The following CEP170 variants were observed in gnomAD, a reference collection of about 807,000 sequenced individuals.
CEP170 encodes the protein centrosomal protein 170, also known as centrosomal protein of 170 kDa.
Under a neutral mutation model 151.9 loss-of-function variants are expected in CEP170, and 21 were observed. That is an observed-to-expected ratio of 0.14 (90% confidence interval 0.10 to 0.20). The LOEUF (loss-of-function observed/expected upper bound fraction) is 0.20. CEP170 is among the 10% of genes least tolerant of loss of function. The pLI is 1.00. For synonymous variants in CEP170, 356 were observed against 648.8 expected (o/e 0.55, Z 6.86); for missense variants, 964 against 1,892.9 (o/e 0.51, Z 9.11).
intron 14 of CEP170, among the ~76,000 whole-genome samples, chr1:243,142,947 T>C (rs2056034509): frequency 3.9e-5 from 6 of 152,206 alleles, no homozygotes; most frequent in Non-Finnish European, 8.8e-5. Flanking sequence ...AGAGATCACA[T>C]TACAGTTGCT....
intron 2 of CEP170, among the ~76,000 whole-genome samples, chr1:243,222,037 A>C (rs1301136589): frequency 6.6e-6 from 1 of 152,216 alleles, no homozygotes; most frequent in Non-Finnish European, 1.5e-5. Flanking sequence ...TTTTCTACTA[A>C]ATTCACATGT....
intron 14 of CEP170, 59 bp from the exon 15 acceptor site, chr1:243,142,522 A>G: frequency 1.3e-6 from 2 of 1,534,464 alleles, no homozygotes; most frequent in Non-Finnish European, 1.8e-6. Flanking sequence ...TCTAAAAACA[A>G]TCATTTATGA....
At chr1:243,169,014 G>A (rs995668652) in intron 12 of CEP170, among the ~76,000 whole-genome samples, 4 of 149,876 alleles carry the variant, frequency 2.7e-5, no homozygotes, top group Non-Finnish European at 5.9e-5. Flanking sequence ...TAATATATAT[G>A]TGCTTCATCT....
chr1:243,192,464 A>G (rs555746810), intron 7 of CEP170, among the ~76,000 whole-genome samples: 73 of 152,288 alleles, frequency 4.8e-4, no homozygotes, highest in African/African-American at 1.7e-3. Flanking sequence ...AAAATTAAAG[A>G]TGCTATTGTC....
intron 17 of CEP170, among the ~76,000 whole-genome samples, chr1:243,134,273 A>G (rs1342989207): frequency 6.6e-6 from 1 of 152,210 alleles, no homozygotes; most frequent in African/African-American, 2.4e-5. Context: ...GTCTAATTAT[A>G]AAGTACCTAG....
intron 10 of CEP170, among the ~76,000 whole-genome samples, chr1:243,176,131 G>C (rs1001239045): frequency 6.6e-6 from 1 of 152,008 alleles, no homozygotes; most frequent in Non-Finnish European, 1.5e-5. Context: ...TCACCTCTAG[G>C]CTCATGATTC....
At chr1:243,150,404 G>A (rs985920764) in intron 14 of CEP170, among the ~76,000 whole-genome samples, 5 of 152,160 alleles carry the variant, frequency 3.3e-5, no homozygotes, top group African/African-American at 1.2e-4. Context: ...GCCTGCCTTG[G>A]CCTCCCAAGT....
At chr1:243,188,608 G>GT (rs1432669553) in intron 8 of CEP170, among the ~76,000 whole-genome samples, 5 of 152,296 alleles carry the variant, frequency 3.3e-5, no homozygotes, top group African/African-American at 1.2e-4. Context: ...TAGGTTAGCT[G>GT]TAACAAGTCA....
intron 1 of CEP170, among the ~76,000 whole-genome samples, chr1:243,234,807 C>T (rs2064108853): frequency 6.6e-6 from 1 of 152,128 alleles, no homozygotes; most frequent in African/African-American, 2.4e-5. Flanking sequence ...AAACATACAT[C>T]ATAGTAACTC....
At chr1:243,141,108 A>G (rs186377960) in intron 15 of CEP170, among the ~76,000 whole-genome samples, 131 of 152,386 alleles carry the variant, frequency 8.6e-4, no homozygotes, top group Admixed American at 2.0e-3. Context: ...AAAGAATGTG[A>G]CAAAAAGCAA....
rs371876204 is a variant in CEP170 at position 243,218,481 on chromosome 1, C to T, written c.195+3243G>A. On this transcript the variant is annotated intron_variant, in intron 3 of 19. Coordinates refer to ENST00000366542, the MANE Select transcript of CEP170 (RefSeq NM_014812.3). ...CCCGTTAAAATATCAGCAACGGAACCGACTGTAGCTTTCTCAGGCAGAACA... is the reference window on the plus strand; with the variant it reads ...CCCGTTAAAATATCAGCAACGGAACTGACTGTAGCTTTCTCAGGCAGAACA... Among the ~76,000 whole-genome samples the T allele has an allele frequency of 7.4e-4, 112 of 152,300 alleles. 1 individual carries two copies. Among genetic ancestry groups the T allele is most frequent in the African/African-American group, 2.5e-3 (106 of 41,570 alleles).
intron 1 of CEP170, among the ~76,000 whole-genome samples, chr1:243,238,093 T>C (rs1368985808): frequency 6.6e-6 from 1 of 152,146 alleles, no homozygotes; most frequent in Non-Finnish European, 1.5e-5. Context: ...ATGAGGTATG[T>C]AACAGTTCAA....
rs1419841785 is a variant in CEP170 at position 243,126,683 on chromosome 1, T to A, written c.4521A>T (p.Gly1507=). Residue 1507 remains glycine, a synonymous_variant, in exon 20 of 20, where the codon GGA becomes GGT. Coordinates refer to ENST00000366542, the MANE Select transcript of CEP170 (RefSeq NM_014812.3). ...GAGATGGCAACATAGCACTGGGAAA[T>A]CCCATGTTGTTCAGAGCCTCCAAAG... The part of the protein sequence containing the change: ...DGTLEALNNM[G]FPSAMLPSPP... 4.0e-5 allele frequency: 62 copies of A among 1,546,092 alleles called. No individual in the cohort carries two copies. Among genetic ancestry groups the A allele is most frequent in the Non-Finnish European group, 5.3e-5 (61 of 1,142,676 alleles).
At chr1:243,241,025 T>C (rs1479736032) in intron 1 of CEP170, among the ~76,000 whole-genome samples, 1 of 152,214 alleles carries the variant, frequency 6.6e-6, no homozygotes, top group East Asian at 1.9e-4. Context: ...AAGTGCTTAA[T>C]ATTCCATTTT....
chr1:243,228,575 A>G (rs1224831843), intron 1 of CEP170, among the ~76,000 whole-genome samples: 1 of 152,232 alleles, frequency 6.6e-6, no homozygotes, highest in Non-Finnish European at 1.5e-5. Context: ...GACGATTTTA[A>G]AACACAACAT....
At chr1:243,217,184 T>A (rs1447121350) in intron 3 of CEP170, among the ~76,000 whole-genome samples, 1 of 152,198 alleles carries the variant, frequency 6.6e-6, no homozygotes, top group Non-Finnish European at 1.5e-5. Context: ...ACCACTGCCG[T>A]GTATGTGGTC....
chr1:243,157,356 C>A (rs986422917), intron 13 of CEP170, among the ~76,000 whole-genome samples: 7 of 147,260 alleles, frequency 4.8e-5, no homozygotes, highest in Admixed American at 4.7e-4. Flanking sequence ...ATCAAACATA[C>A]AAATAATTTG....
At chr1:243,145,858 G>A (rs2056424041) in intron 14 of CEP170, among the ~76,000 whole-genome samples, 1 of 152,172 alleles carries the variant, frequency 6.6e-6, no homozygotes, top group Non-Finnish European at 1.5e-5. Flanking sequence ...ATGACCAGAA[G>A]TGTTAAAATG....
intron 1 of CEP170, among the ~76,000 whole-genome samples, chr1:243,232,190 C>T (rs905059548): frequency 3.3e-5 from 5 of 152,086 alleles, no homozygotes; most frequent in African/African-American, 1.2e-4. Context: ...GTCTTGAACT[C>T]ATGAGTTCAA....
Sources: allele counts gnomAD v4.1 joint callset (sites outside exome capture counted in the v4.1 genomes callset), GRCh38; gene constraint gnomAD v4.1.1; transcripts MANE v1.5; gene names NCBI Gene and HGNC (gene_info 2026-07-23, HGNC 2026-07-21).